The following C16orf96 variants were observed in gnomAD, a reference collection of about 807,000 sequenced individuals.
C16orf96 encodes uncharacterized protein C16orf96.
A neutral mutation model predicts 103.6 loss-of-function variants in C16orf96; 108 were observed. The ratio of observed to expected loss-of-function variants is 1.04; its 90% CI spans 0.89 to 1.22. The LOEUF (loss-of-function observed/expected upper bound fraction) is 1.22. Ranked by LOEUF, C16orf96 falls within the 50% of genes most tolerant of loss-of-function variation. C16orf96 has a pLI of 0.00. For synonymous variants in C16orf96, 566 were observed against 593.5 expected (o/e 0.95, Z 0.67); for missense variants, 1,586 against 1,464.2 (o/e 1.08, Z -1.36).
chr16:4,563,300 G>T (rs1002838903), intron 1 of C16orf96, among the ~76,000 whole-genome samples: 6 of 150,928 alleles, frequency 4.0e-5, no homozygotes, highest in Admixed American at 6.6e-5. Flanking sequence ...CCCAGGCTGG[G>T]GTGCAGTGGC....
chr16:4,596,989 G>A (rs754812450), intron 14 of C16orf96, among the ~76,000 whole-genome samples: 1 of 152,182 alleles, frequency 6.6e-6, no homozygotes, highest in African/African-American at 2.4e-5. Flanking sequence ...CCTAACCCAG[G>A]ATGATCTCAT....
chr16:4,591,594 C>T, intron 9 of C16orf96, 72 bp from the exon 10 acceptor site: 1 of 1,265,986 alleles, frequency 7.9e-7, no homozygotes, highest in Non-Finnish European at 1.1e-6. Context: ...GTTGCTGCAA[C>T]CCTCTTCTGG....
At chr16:4,554,507 T>A (rs1273573180), upstream of C16orf96, among the ~76,000 whole-genome samples, 1 of 151,170 alleles carries the variant, frequency 6.6e-6, no homozygotes, top group African/African-American at 2.4e-5. Context: ...CCCGCCACCA[T>A]GCCTGGCTAA....
chr16:4,545,993 G>A, the C16orf96 span, among the ~76,000 whole-genome samples: 30 of 151,764 alleles, frequency 2.0e-4, no homozygotes, highest in Admixed American at 1.1e-3. Context: ...GGGACTACAG[G>A]TGCACACCAC....
Position 4,574,055 on chromosome 16 carries a change from G to T in C16orf96, c.526-654G>T, listed in dbSNP as rs1304954777. Among the ~76,000 whole-genome samples the T allele has an allele frequency of 3.9e-5, 6 of 151,946 alleles. No homozygotes were observed. In the South Asian group the frequency reaches 1.2e-3, roughly 32 times the overall value. Reference sequence around the variant, plus strand: ...TCACCACATTGGTCAGGCTGGTCCCGAACTCCTGAACTCATGATCCACCCG... The same window carrying T: ...TCACCACATTGGTCAGGCTGGTCCCTAACTCCTGAACTCATGATCCACCCG... On this transcript the variant is annotated intron_variant, in intron 2 of 15. Coordinates refer to ENST00000444310, the MANE Select transcript of C16orf96 (RefSeq NM_001145011.2).
the C16orf96 span, among the ~76,000 whole-genome samples, chr16:4,546,536 CT>C: frequency 6.8e-6 from 1 of 147,146 alleles, no homozygotes. Flanking sequence ...GCAATCATGG[CT>C]CACTGCAGCC....
At chr16:4,557,568 G>A (rs1334861963) in intron 1 of C16orf96, among the ~76,000 whole-genome samples, 1 of 152,170 alleles carries the variant, frequency 6.6e-6, no homozygotes, top group Non-Finnish European at 1.5e-5. Context: ...TGATGAAAAT[G>A]TTTTGGAACT....
intron 5 of C16orf96, 103 bp from the exon 6 acceptor site, chr16:4,578,837 G>A (rs2059545993): frequency 2.7e-6 from 2 of 741,534 alleles, no homozygotes; most frequent in Admixed American, 2.4e-5. Context: ...ATTTCCACTG[G>A]GCAGTGCTGC....
rs770809915 is a variant in C16orf96 at position 4,593,573 on chromosome 16, T to A, written c.2867+257T>A. 2.2e-4 allele frequency among the ~76,000 whole-genome samples: 33 copies of A among 151,606 alleles called. No homozygotes were observed. Among genetic ancestry groups the A allele is most frequent in the Non-Finnish European group, 4.4e-4 (30 of 67,926 alleles). On this transcript the variant is annotated intron_variant, in intron 12 of 15. Coordinates refer to ENST00000444310, the MANE Select transcript of C16orf96 (RefSeq NM_001145011.2). This position sits in a 1 kb window ranked among gnomAD's most constrained non-coding sequence, Gnocchi z 4.2. ...GGCCAGGAACTGTTAGACGGTTTCT[T>A]ATTTAAATCTCACAACCCCCTGTGA...
At chr16:4,581,781 GTC>G (rs2059591832) in intron 7 of C16orf96, among the ~76,000 whole-genome samples, 3 of 151,638 alleles carry the variant, frequency 2.0e-5, no homozygotes, top group African/African-American at 7.3e-5. Context: ...GAAGAAAACT[GTC>G]TCTACAAAAA....
chr16:4,589,933 C>A (rs1161398316), intron 9 of C16orf96, among the ~76,000 whole-genome samples: 1 of 150,364 alleles, frequency 6.7e-6, no homozygotes, highest in Non-Finnish European at 1.5e-5. Flanking sequence ...ACCATCCTGA[C>A]CAACACGGTG....
chr16:4,549,471 TA>T, the C16orf96 span, among the ~76,000 whole-genome samples: 659 of 96,628 alleles, frequency 6.8e-3, 3 homozygotes, highest in Non-Finnish European at 8.9e-3. Context: ...AGACTCTGTC[TA>T]AAAAAAAAAA....
In C16orf96 at chr16:4,575,613, C is replaced by A; in HGVS notation, c.1133C>A (p.Ala378Asp). 1 of 1,514,866 alleles carries A rather than the reference C, an allele frequency of 6.6e-7. No individual in the cohort carries two copies. Among genetic ancestry groups the A allele is most frequent in the East Asian group, 2.5e-5 (1 of 40,640 alleles). The allele number at this position is 1,514,866 out of a possible 1,614,324, so 93.8% of individuals were successfully genotyped here. The change falls in exon 5 of 16, where the codon GCC (alanine) becomes GAC (aspartate). Residue 378 changes from alanine (A) to aspartate (D), a missense_variant. By Grantham distance (126) the Ala-to-Asp change is moderately radical. Coordinates refer to ENST00000444310, the MANE Select transcript of C16orf96 (RefSeq NM_001145011.2). ...CTTGGACCTGTGCCTGCCCCAGGTGCCCAGCCTCCACCACTGGGAGACTGG... is the reference window on the plus strand; with the variant it reads ...CTTGGACCTGTGCCTGCCCCAGGTGACCAGCCTCCACCACTGGGAGACTGG... ...PVLGPVPAPGAQPPPLGDWPA... is the reference protein window; with the variant it reads ...PVLGPVPAPGDQPPPLGDWPA...
chr16:4,552,028 C>T (rs933616333), upstream of C16orf96, among the ~76,000 whole-genome samples: 2 of 152,066 alleles, frequency 1.3e-5, no homozygotes, highest in Non-Finnish European at 2.9e-5. Context: ...TTTTCTTTTC[C>T]TGTGTTAGTT....
intron 10 of C16orf96, among the ~76,000 whole-genome samples, 163 bp from the exon 11 acceptor site, chr16:4,592,142 G>A (rs1457318250): frequency 6.6e-6 from 1 of 152,244 alleles, no homozygotes; most frequent in Admixed American, 6.5e-5. Flanking sequence ...GTTTGGGGCG[G>A]CAGAGAAACC....
rs143930626 is a variant in C16orf96 at position 4,568,094 on chromosome 16, G to A, written c.421-3467G>A. ...TATTTTATTTTTGAATTATAGAGACGGGAGCTCACTATGTTGCCCAGGCTG... is the reference window on the plus strand; with the variant it reads ...TATTTTATTTTTGAATTATAGAGACAGGAGCTCACTATGTTGCCCAGGCTG... On this transcript the variant is annotated intron_variant, in intron 1 of 15. Transcript: ENST00000444310. Among the ~76,000 whole-genome samples the A allele has an allele frequency of 3.3e-5, 5 of 152,022 alleles. No individual in the cohort carries two copies. The East Asian group carries it at 7.7e-4, about 23-fold the overall frequency.
chr16:4,571,501 C>T (rs927047382), intron 1 of C16orf96, 60 bp from the exon 2 acceptor site: 2 of 1,433,442 alleles, frequency 1.4e-6, no homozygotes, highest in African/African-American at 1.4e-5. Context: ...AGCTTCTGCA[C>T]TTCACTTACC....
intron 1 of C16orf96, among the ~76,000 whole-genome samples, chr16:4,557,247 A>G (rs1236972302): frequency 6.6e-6 from 1 of 152,018 alleles, no homozygotes; most frequent in Non-Finnish European, 1.5e-5. Context: ...TGGGATGACA[A>G]GCGTGAGCCA....
chr16:4,570,181 T>C (rs1246312308), intron 1 of C16orf96, among the ~76,000 whole-genome samples: 1 of 152,128 alleles, frequency 6.6e-6, no homozygotes, highest in Non-Finnish European at 1.5e-5. Context: ...ACTCCTGAGC[T>C]CAAATGATAC....
Sources: allele counts gnomAD v4.1 joint callset (sites outside exome capture counted in the v4.1 genomes callset), GRCh38; gene constraint gnomAD v4.1.1; non-coding constraint Gnocchi (gnomAD v3.1); transcripts MANE v1.5; gene names NCBI Gene and HGNC (gene_info 2026-07-23, HGNC 2026-07-21).